OSBP2: variants seen among roughly 807,000 people sequenced by gnomAD.
OSBP2 encodes oxysterol binding protein 2.
A neutral mutation model predicts 96.0 loss-of-function variants in OSBP2; 66 were observed. That is an observed-to-expected ratio of 0.69 (90% confidence interval 0.56 to 0.84). The LOEUF (loss-of-function observed/expected upper bound fraction) is 0.84, where lower values mean the gene tolerates loss of function less well. OSBP2 is among the 40% of genes least tolerant of loss of function. OSBP2 has a pLI of 0.00. For synonymous variants in OSBP2, 525 were observed against 520.9 expected (o/e 1.01, Z -0.11); for missense variants, 1,038 against 1,222.7 (o/e 0.85, Z 2.25).
intron 1 of OSBP2, among the ~76,000 whole-genome samples, chr22:30,729,153 A>G (rs2089703817): frequency 6.6e-6 from 1 of 152,210 alleles, no homozygotes; most frequent in Admixed American, 6.5e-5. Flanking sequence ...ACCCATTTTA[A>G]ATTGGTTCAT....
intron 1 of OSBP2, among the ~76,000 whole-genome samples, chr22:30,707,456 G>A (rs947673107): frequency 2.0e-5 from 3 of 151,888 alleles, no homozygotes; most frequent in East Asian, 2.0e-4. Context: ...GGCTCACACC[G>A]GTAATCCCAG....
chr22:30,781,264 G>A (rs2090515730), intron 2 of OSBP2, among the ~76,000 whole-genome samples: 1 of 151,542 alleles, frequency 6.6e-6, no homozygotes, highest in African/African-American at 2.4e-5. Context: ...TTACAGACAT[G>A]AGCCACCACA....
At chr22:30,828,851 C>G (rs961374465) in intron 2 of OSBP2, among the ~76,000 whole-genome samples, 1 of 152,138 alleles carries the variant, frequency 6.6e-6, no homozygotes, top group Non-Finnish European at 1.5e-5. Context: ...AGAAGTCCCC[C>G]TCAGCAAACA....
At chr22:30,764,392 G>C (rs549664706) in intron 2 of OSBP2, 1 of 985,378 alleles carries the variant, frequency 1.0e-6, no homozygotes, top group African/African-American at 1.7e-5. Context: ...TCCTCTAACA[G>C]GTAGGACTTG....
At chr22:30,772,781 C>T (rs2090366854) in intron 2 of OSBP2, among the ~76,000 whole-genome samples, 1 of 146,632 alleles carries the variant, frequency 6.8e-6, no homozygotes, top group African/African-American at 2.6e-5. Flanking sequence ...AACGGCTGCT[C>T]TTGTTAAACG....
At chr22:30,791,574 G>A (rs542920005) in intron 2 of OSBP2, among the ~76,000 whole-genome samples, 4 of 151,980 alleles carry the variant, frequency 2.6e-5, no homozygotes, top group East Asian at 1.9e-4. Context: ...TGATCCGCCC[G>A]CCTCGGCCTC....
chr22:30,772,023 T>C (rs1377155440), intron 2 of OSBP2, among the ~76,000 whole-genome samples: 2 of 152,182 alleles, frequency 1.3e-5, no homozygotes, highest in African/African-American at 2.4e-5. Context: ...TTAGTCCAGG[T>C]GACAGCAGAG....
At position 30,881,635 on chromosome 22, in the gene OSBP2, C is replaced by G. The variant is rs1157107423; in HGVS notation, c.1108-5791C>G. ...CCCCTGCCAGTCCCTCTGCCGGGCC[C>G]CAAGCCTAATCCAGCTTATCAAGCA... On this transcript the variant is annotated intron_variant, in intron 3 of 13. Transcript: ENST00000332585. This position sits in a 1 kb window ranked among gnomAD's most constrained non-coding sequence, Gnocchi z 4.5. 2.3e-6 allele frequency: 3 copies of G among 1,296,778 alleles called. No homozygotes were observed. The highest frequency in any genetic ancestry group is 1.5e-5 in the African/African-American group (1 of 65,708). The allele number at this position is 1,296,778 out of a possible 1,614,324, so 80.3% of individuals were successfully genotyped here. A position where few individuals can be genotyped will look rare whatever the true frequency, so the allele number is the denominator to read the frequency against.
chr22:30,782,751 T>TAA (rs2090534583), intron 2 of OSBP2, among the ~76,000 whole-genome samples: 1 of 152,222 alleles, frequency 6.6e-6, no homozygotes, highest in Admixed American at 6.5e-5. Context: ...TCTGTGGACA[T>TAA]ACACGTTTTT....
rs542041135 is a variant in OSBP2, at chr22:30,906,324, C to T, written c.2736C>T (p.Cys912=). The change falls in exon 14 of 14, where the codon TGC becomes TGT. Residue 912 remains cysteine, a synonymous_variant. Coordinates refer to ENST00000332585, the MANE Select transcript of OSBP2 (RefSeq NM_030758.4). The stretch of plus-strand genomic sequence containing the variant: ...AGGAGAAGCAAGACTGGCATATGTG[C>T]CCCAACATCTTCTGAGCGCCACCCT... ...EAKEKQDWHM[C]PNIF The T allele has an allele frequency of 1.9e-6, 3 of 1,609,218 alleles. No homozygotes were observed. The highest frequency in any genetic ancestry group is 1.7e-5 in the Admixed American group (1 of 59,640).
intron 3 of OSBP2, among the ~76,000 whole-genome samples, chr22:30,873,749 T>TG (rs1374702217): frequency 6.6e-6 from 1 of 152,240 alleles, no homozygotes; most frequent in Non-Finnish European, 1.5e-5. Context: ...TTCCACTTTG[T>TG]GGGCTCTGAT....
chr22:30,795,680 C>T (rs1342124414), intron 2 of OSBP2, among the ~76,000 whole-genome samples: 2 of 152,092 alleles, frequency 1.3e-5, no homozygotes. Context: ...CCACCACGCC[C>T]AGCTAATTTT....
chr22:30,903,456 C>G (rs754136934), intron 12 of OSBP2, among the ~76,000 whole-genome samples: 8 of 152,248 alleles, frequency 5.3e-5, no homozygotes, highest in Non-Finnish European at 1.2e-4. Context: ...AAGGGATAGG[C>G]TCACACGAGA....
chr22:30,709,525 G>GT (rs796220367), intron 1 of OSBP2, among the ~76,000 whole-genome samples: 49 of 149,298 alleles, frequency 3.3e-4, no homozygotes, highest in African/African-American at 4.2e-4. Context: ...TTTGTTTTTT[G>GT]TTTTTTTTTG....
At chr22:30,847,006 CT>C (rs1224890331) in intron 2 of OSBP2, among the ~76,000 whole-genome samples, 1 of 151,964 alleles carries the variant, frequency 6.6e-6, no homozygotes, top group Non-Finnish European at 1.5e-5. Flanking sequence ...GAGATGGAGT[CT>C]TTCTCAATCA....
At position 30,738,228 on chromosome 22, in the gene OSBP2, TG is replaced by T. The variant is rs1336576976; in HGVS notation, c.645-2931del. On this transcript the variant is annotated intron_variant, in intron 1 of 13. Coordinates refer to ENST00000332585, the MANE Select transcript of OSBP2 (RefSeq NM_030758.4). ...AAGCTGAGAACTGCCCCTCACCTGGTGGTCTTTGCCCCTGCTGCTCTCTCTG... is the reference window on the plus strand; with the variant it reads ...AAGCTGAGAACTGCCCCTCACCTGGTGTCTTTGCCCCTGCTGCTCTCTCTG... 1.7e-4 allele frequency among the ~76,000 whole-genome samples: 26 copies of T among 152,242 alleles called. 4 individuals are homozygous for T. The highest frequency in any genetic ancestry group is 1.5e-3 in the Admixed American group (23 of 15,270).
intron 12 of OSBP2, among the ~76,000 whole-genome samples, chr22:30,903,380 G>T (rs1433935591): frequency 6.6e-6 from 1 of 152,138 alleles, no homozygotes; most frequent in Non-Finnish European, 1.5e-5. Flanking sequence ...ATTCTTGCAG[G>T]GTCCTTTCCA....
chr22:30,708,557 T>C (rs1018406759), intron 1 of OSBP2, among the ~76,000 whole-genome samples: 3 of 143,004 alleles, frequency 2.1e-5, no homozygotes, highest in African/African-American at 8.0e-5. Context: ...GGCATGATCT[T>C]GGCTCACTGT....
intron 2 of OSBP2, among the ~76,000 whole-genome samples, chr22:30,834,906 C>G (rs2038601651): frequency 6.6e-6 from 1 of 151,744 alleles, no homozygotes; most frequent in East Asian, 1.9e-4. Context: ...ACCTCTGCCT[C>G]CTGGGTTCAA....
Sources: allele counts gnomAD v4.1 joint callset (sites outside exome capture counted in the v4.1 genomes callset), GRCh38; gene constraint gnomAD v4.1.1; non-coding constraint Gnocchi (gnomAD v3.1); transcripts MANE v1.5; gene names NCBI Gene and HGNC (gene_info 2026-07-23, HGNC 2026-07-21).